Variants in COL4A3 observed in about 807,000 individuals in gnomAD.
The protein encoded by COL4A3 is collagen alpha-3(IV) chain.
In COL4A3, 135 loss-of-function variants were observed where a neutral mutation model predicts 217.4. That is an observed-to-expected ratio of 0.62 (90% CI 0.54 to 0.72). The LOEUF (loss-of-function observed/expected upper bound fraction) is 0.72, where lower values mean the gene tolerates loss of function less well. Among genes scored for constraint, COL4A3 ranks in the 30% least tolerant of loss-of-function variants. COL4A3 has a pLI of 0.00. For missense variants in COL4A3, 1,868 were observed against 2,119.9 expected, an observed-to-expected ratio of 0.88 and a Z score of 2.33; for synonymous variants, 690 against 736.3, an observed-to-expected ratio of 0.94 and a Z score of 1.02.
At chr2:227,237,910 C>T in intron 1 of COL4A3, 58 bp from the exon 2 acceptor site, 3 of 1,281,316 alleles carry the variant, frequency 2.3e-6, no homozygotes, top group Non-Finnish European at 2.3e-6. Flanking sequence ...TTTACCCTGC[C>T]GGTTGGGATT....
At chr2:227,247,259 C>G (rs1215321884) in intron 7 of COL4A3, among the ~76,000 whole-genome samples, 1 of 152,136 alleles carries the variant, frequency 6.6e-6, no homozygotes, top group African/African-American at 2.4e-5. Flanking sequence ...GTTTTAGCAA[C>G]ATCAATATCA....
chr2:227,278,197 A>C (rs1008667503), intron 28 of COL4A3, among the ~76,000 whole-genome samples: 2 of 152,012 alleles, frequency 1.3e-5, no homozygotes, highest in Non-Finnish European at 2.9e-5. Context: ...AAAATAAATT[A>C]TGGAAATTAT....
chr2:227,263,901 T>G lies in COL4A3; in HGVS notation c.1272T>G (p.Gly424=). Residue 424 remains glycine, a synonymous_variant, in exon 21 of 52, where the codon GGT becomes GGG. Transcript: ENST00000396578. ...MGTPGSPGCA[G]SPGLPGSPGP... ...CTCCTGGGTCCCCAGGTTGTGCTGG[T>G]TCACCAGGTCTTCCAGGATCACCGG... 6.2e-7 allele frequency: 1 copy of G among 1,614,144 alleles called. No individual in the cohort carries two copies. The highest frequency in any genetic ancestry group is 8.5e-7 in the Non-Finnish European group (1 of 1,180,016).
At chr2:227,176,438 C>T (rs186831380) in intron 1 of COL4A3, among the ~76,000 whole-genome samples, 57 of 152,254 alleles carry the variant, frequency 3.7e-4, no homozygotes, top group African/African-American at 1.3e-3. Flanking sequence ...GCGGTGAGAT[C>T]ATGACTTTAA....
chr2:227,181,213 C>G (rs1277134984), intron 1 of COL4A3, among the ~76,000 whole-genome samples: 2 of 152,188 alleles, frequency 1.3e-5, no homozygotes, highest in Non-Finnish European at 2.9e-5. Context: ...AAATAGAGAA[C>G]TCTTTGACAT....
At chr2:227,307,514 G>C (rs1280689040) in intron 47 of COL4A3, among the ~76,000 whole-genome samples, 196 bp from the exon 48 acceptor site, 1 of 152,126 alleles carries the variant, frequency 6.6e-6, no homozygotes, top group African/African-American at 2.4e-5. Flanking sequence ...CACAAACATT[G>C]ATAAGAAGAG....
intron 34 of COL4A3, among the ~76,000 whole-genome samples, chr2:227,288,119 G>A (rs942885392): frequency 3.3e-5 from 5 of 152,114 alleles, no homozygotes; most frequent in South Asian, 2.1e-4. Flanking sequence ...ATTTTGAGAC[G>A]GAGTCTCGCT....
At chr2:227,291,320 T>G (rs927320859) in intron 37 of COL4A3, among the ~76,000 whole-genome samples, 2 of 151,906 alleles carry the variant, frequency 1.3e-5, no homozygotes, top group African/African-American at 4.8e-5. Context: ...TCCTAGCACT[T>G]TGGGAGGCCG....
At chr2:227,221,675 G>T (rs2067793015) in intron 1 of COL4A3, among the ~76,000 whole-genome samples, 1 of 148,762 alleles carries the variant, frequency 6.7e-6, no homozygotes, top group Admixed American at 6.8e-5. Flanking sequence ...ATTTTTCTTG[G>T]CAATTATAAT....
intron 4 of COL4A3, 83 bp downstream of exon 4, chr2:227,244,447 C>A: frequency 1.6e-6 from 2 of 1,270,154 alleles, no homozygotes; most frequent in Non-Finnish European, 2.3e-6. Flanking sequence ...GAAAGGAGTA[C>A]ACTGTGTATG....
chr2:227,245,575 G>C, intron 5 of COL4A3: 1 of 339,014 alleles, frequency 2.9e-6, no homozygotes, highest in Non-Finnish European at 5.7e-6. Flanking sequence ...GAATAGGATA[G>C]GATAGGGTAG....
chr2:227,249,230 A>ATATTTTTTTTTTT, intron 9 of COL4A3, among the ~76,000 whole-genome samples: 6 of 14,692 alleles, frequency 4.1e-4, no homozygotes, highest in African/African-American at 1.6e-3. Flanking sequence ...ATATATATAT[A>ATATTTTTTTTTTT]TTTTTTTTTT....
intron 11 of COL4A3, among the ~76,000 whole-genome samples, chr2:227,252,212 CTTTTTTTTTTT>C (rs72162625): frequency 1.2e-5 from 1 of 82,854 alleles, no homozygotes; most frequent in Non-Finnish European, 2.5e-5. Flanking sequence ...TTCTTTCTTT[CTTTTTTTTTTT>C]TTTTTTTTGA....
At chr2:227,170,528 T>C (rs62277814) in intron 1 of COL4A3, among the ~76,000 whole-genome samples, 42,270 of 151,656 alleles carry the variant, frequency 0.28, 6,063 homozygotes, top group South Asian at 0.37. Flanking sequence ...TTATAAAACA[T>C]CAGATCTCAT....
At chr2:227,262,378 C>G (rs1485205033) in intron 20 of COL4A3, among the ~76,000 whole-genome samples, 1 of 152,096 alleles carries the variant, frequency 6.6e-6, no homozygotes, top group Non-Finnish European at 1.5e-5. Flanking sequence ...CTACAAAGCT[C>G]TAATTCCAGA....
Position 227,245,862 on chromosome 2 carries a change from TC to T in COL4A3, c.325-91del, listed in dbSNP as rs2069303535. ...AACCATTTAAACAATCATTTATATT[TC>T]AAGAGCTATTTAAATCAGTGCATCT... On this transcript the variant is annotated intron_variant, in intron 5 of 51. Coordinates refer to ENST00000396578, the MANE Select transcript of COL4A3 (RefSeq NM_000091.5). 8 of 907,710 alleles carry T rather than the reference TC, an allele frequency of 8.8e-6. No individual in the cohort carries two copies. In the Admixed American group the frequency reaches 1.4e-4, roughly 15 times the overall value. 56.2% of individuals were successfully genotyped at this position (907,710 alleles called of 1,614,324 possible).
At chr2:227,276,277 T>C in intron 26 of COL4A3, 108 bp from the exon 27 acceptor site, 1 of 843,638 alleles carries the variant, frequency 1.2e-6, no homozygotes, top group Non-Finnish European at 2.0e-6. Flanking sequence ...AGGTTATTTT[T>C]TATTTTTTGG....
At position 227,263,780 on chromosome 2, in the gene COL4A3, G is replaced by A; in HGVS notation, c.1151G>A (p.Gly384Glu). ...ACAAGAAATGATTATTTTCTCCAAGGATCATCAAGGCCTGGCCTCAGAGGA... is the reference window on the plus strand; with the variant it reads ...ACAAGAAATGATTATTTTCTCCAAGAATCATCAAGGCCTGGCCTCAGAGGA... ...SGPPGVPGSPGSSRPGLRGAP... is the reference protein window; with the variant it reads ...SGPPGVPGSPESSRPGLRGAP... The change falls in exon 21 of 52, where the codon GGA (glycine) becomes GAA (glutamate). Residue 384 changes from glycine to glutamate, a missense_variant and splice_region_variant. Around this residue, in one of 2 missense-constraint regions of COL4A3, gnomAD observed 1,503 missense variants for 1,786.1 expected, o/e 0.84. Transcript: ENST00000396578. The A allele has an allele frequency of 6.2e-7, 1 of 1,613,272 alleles. No individual in the cohort carries two copies. Among genetic ancestry groups the A allele is most frequent in the South Asian group, 1.1e-5 (1 of 91,058 alleles).
At chr2:227,223,023 A>G (rs1401914047) in intron 1 of COL4A3, among the ~76,000 whole-genome samples, 1 of 152,246 alleles carries the variant, frequency 6.6e-6, no homozygotes, top group Admixed American at 6.5e-5. Flanking sequence ...CTATATTTTT[A>G]CAAATAACTT....
Sources: allele counts gnomAD v4.1 joint callset (sites outside exome capture counted in the v4.1 genomes callset), GRCh38; gene constraint gnomAD v4.1.1; regional missense constraint gnomAD v4.1.1; transcripts MANE v1.5; gene names NCBI Gene and HGNC (gene_info 2026-07-23, HGNC 2026-07-21).